The following BACH2 variants were observed in gnomAD, a reference collection of about 807,000 sequenced individuals.
BACH2 encodes the protein BACH transcriptional regulator 2, also known as transcription regulator protein BACH2.
BACH2 carries 5 observed loss-of-function variants against 61.8 expected under a neutral mutation model. The ratio of observed to expected loss-of-function variants is 0.08; its 90% CI spans 0.04 to 0.17. BACH2 has a LOEUF of 0.17. Among genes scored for constraint, BACH2 ranks in the 10% least tolerant of loss-of-function variants. The probability of loss-of-function intolerance (pLI) is 1.00; values close to 1 mark genes in which losing one functional copy is unlikely to be tolerated. For synonymous variants in BACH2, 446 were observed against 440.1 expected (o/e 1.01, Z -0.17); for missense variants, 824 against 1,091.1 (o/e 0.76, Z 3.45).
intron 1 of BACH2, among the ~76,000 whole-genome samples, chr6:90,278,682 T>C (rs766801147): frequency 6.6e-6 from 1 of 152,190 alleles, no homozygotes; most frequent in Non-Finnish European, 1.5e-5. Flanking sequence ...AAGAAAGCAG[T>C]AATCTCTAAA....
At chr6:89,958,287 AT>A (rs1488760798) in intron 6 of BACH2, among the ~76,000 whole-genome samples, 2 of 151,998 alleles carry the variant, frequency 1.3e-5, no homozygotes. Flanking sequence ...ATCCATACTC[AT>A]TTTTTCATTC....
At chr6:89,958,880 C>T (rs142621623) in intron 6 of BACH2, among the ~76,000 whole-genome samples, 348 of 152,236 alleles carry the variant, frequency 2.3e-3, no homozygotes, top group African/African-American at 8.1e-3. Flanking sequence ...TTCACAATTG[C>T]CCTCCCCTAC....
At chr6:90,189,950 A>AT (rs66901248) in intron 4 of BACH2, among the ~76,000 whole-genome samples, 15,323 of 149,848 alleles carry the variant, frequency 0.1, 1,103 homozygotes, top group East Asian at 0.38. Flanking sequence ...AACTCTGAGC[A>AT]TTTTTTTTTT....
chr6:90,069,432 A>T (rs1781120032), intron 5 of BACH2, among the ~76,000 whole-genome samples: 1 of 152,198 alleles, frequency 6.6e-6, no homozygotes, highest in African/African-American at 2.4e-5. Context: ...AAAGGCACGT[A>T]TTTAGCAATT....
chr6:90,246,287 G>A (rs1172488667), intron 3 of BACH2, among the ~76,000 whole-genome samples: 2 of 152,170 alleles, frequency 1.3e-5, no homozygotes, highest in Non-Finnish European at 2.9e-5. Context: ...AGTATAATGT[G>A]TAAAATGGAG....
chr6:90,165,837 G>T (rs987979977), intron 4 of BACH2, among the ~76,000 whole-genome samples: 1 of 152,118 alleles, frequency 6.6e-6, no homozygotes, highest in East Asian at 1.9e-4. Flanking sequence ...AATGGTGCTG[G>T]GAAAACTGGC....
chr6:90,135,642 A>AAACCTCCT (rs2127824936), intron 4 of BACH2, among the ~76,000 whole-genome samples: 1 of 152,258 alleles, frequency 6.6e-6, no homozygotes, highest in East Asian at 1.9e-4. Context: ...GGAGCCCAGG[A>AAACCTCCT]GGTTGAGGCT....
chr6:90,262,000 C>T (rs1771174834), intron 2 of BACH2, among the ~76,000 whole-genome samples: 1 of 152,168 alleles, frequency 6.6e-6, no homozygotes, highest in African/African-American at 2.4e-5. Flanking sequence ...TGTACCTCCA[C>T]AGTGCTGCAA....
rs181289571 is a variant in BACH2 at position 90,012,834 on chromosome 6, A to G, written c.-12-3978T>C. On this transcript the variant is annotated intron_variant, in intron 5 of 8. Coordinates refer to ENST00000257749, the MANE Select transcript of BACH2 (RefSeq NM_021813.4). ...AGGCATGTGCCACCGTGCTTGGTCA[A>G]TTTTTGTATTTTTAGTAGAGACGGG... is the stretch of plus-strand genomic sequence containing the variant. Among the ~76,000 whole-genome samples, 754 of 151,834 alleles carry G rather than the reference A, an allele frequency of 5.0e-3. 5 individuals carry two copies. Among genetic ancestry groups the G allele is most frequent in the African/African-American group, 0.016 (664 of 41,438 alleles).
rs557978556 is a variant in BACH2, at chr6:90,120,992, T to C, written c.-161-31883A>G. ...CACTAGAGGAAATCTGCCATTGAAT[T>C]AGATATGATTGAGACAACTGTGAAA... On this transcript the variant is annotated intron_variant, in intron 4 of 8. Transcript: ENST00000257749. 3.3e-5 allele frequency among the ~76,000 whole-genome samples: 5 copies of C among 152,310 alleles called. No homozygotes were observed. The South Asian group carries it at 8.3e-4, about 25-fold the overall frequency.
rs1483958941 is a variant in BACH2, at chr6:90,008,554, T to G, written c.243+48A>C. 1 of 1,605,214 alleles carries G rather than the reference T, an allele frequency of 6.2e-7. No individual in the cohort carries two copies. On this transcript the variant is annotated intron_variant, in intron 6 of 8. Coordinates refer to ENST00000257749, the MANE Select transcript of BACH2 (RefSeq NM_021813.4). The surrounding 1 kb of genome is among the most constrained non-coding windows in gnomAD (Gnocchi z 4.1). ...TAGCTCCTAGTCAGCCAGTTTTCTGTAAGTCAATAAACATTCATTAACAAT... is the reference window on the plus strand; with the variant it reads ...TAGCTCCTAGTCAGCCAGTTTTCTGGAAGTCAATAAACATTCATTAACAAT...
At chr6:90,169,422 G>A in intron 4 of BACH2, among the ~76,000 whole-genome samples, 1 of 152,026 alleles carries the variant, frequency 6.6e-6, no homozygotes, top group Admixed American at 6.6e-5. Context: ...CTCCTATTCT[G>A]ACCCCCTCCC....
intron 5 of BACH2, among the ~76,000 whole-genome samples, chr6:90,014,452 ATATATATATATATATATTTTT>A: frequency 1.5e-5 from 1 of 68,682 alleles, no homozygotes; most frequent in African/African-American, 8.3e-5. Flanking sequence ...ATATATATAT[ATATATATATATATATATTTTT>A]TTTTTTTTTT....
At chr6:90,046,743 A>C (rs1243345876) in intron 5 of BACH2, among the ~76,000 whole-genome samples, 1 of 152,104 alleles carries the variant, frequency 6.6e-6, no homozygotes, top group African/African-American at 2.4e-5. Flanking sequence ...ACGCTTTTGT[A>C]AACAAGTTCA....
intron 1 of BACH2, among the ~76,000 whole-genome samples, chr6:90,273,528 C>T (rs1771595529): frequency 6.6e-6 from 1 of 152,126 alleles, no homozygotes; most frequent in South Asian, 2.1e-4. Context: ...CACAGCATCT[C>T]CTAAACCTGT....
intron 4 of BACH2, among the ~76,000 whole-genome samples, chr6:90,158,258 A>C (rs1395081354): frequency 1.3e-5 from 2 of 152,170 alleles, no homozygotes; most frequent in Non-Finnish European, 2.9e-5. Context: ...CATCTTTTTA[A>C]ATTTTAAAAA....
intron 4 of BACH2, among the ~76,000 whole-genome samples, chr6:90,123,219 A>C (rs1443966145): frequency 6.6e-6 from 1 of 152,200 alleles, no homozygotes; most frequent in Non-Finnish European, 1.5e-5. Flanking sequence ...GAAGAGAAGA[A>C]GACAGAAGTG....
intron 4 of BACH2, among the ~76,000 whole-genome samples, chr6:90,103,029 A>ATATATATATATATATATATTTTTTTTT: frequency 9.5e-5 from 2 of 21,164 alleles, no homozygotes; most frequent in African/African-American, 4.8e-4. Flanking sequence ...ATATATATAT[A>ATATATATATATATATATATTTTTTTTT]TTTTTTTTTT....
intron 4 of BACH2, among the ~76,000 whole-genome samples, chr6:90,121,403 GT>G: frequency 6.6e-6 from 1 of 151,788 alleles, no homozygotes; most frequent in Middle Eastern, 3.4e-3. Flanking sequence ...CCTTCTTGTT[GT>G]TTTTTCTGAT....
Sources: gnomAD v4.1 joint callset for allele counts (sites outside exome capture counted in the v4.1 genomes callset) on GRCh38, gnomAD v4.1.1 for gene constraint, Gnocchi (gnomAD v3.1) non-coding constraint, MANE v1.5 for transcripts, NCBI Gene and HGNC (gene_info 2026-07-23, HGNC 2026-07-21) for gene names.